The following BMF variants were observed in gnomAD, a reference collection of about 807,000 sequenced individuals.
BMF encodes bcl-2-modifying factor.
In BMF, 10 loss-of-function variants were observed where a neutral mutation model predicts 22.0. The ratio of observed to expected loss-of-function variants is 0.45; its 90% confidence interval spans 0.28 to 0.77. BMF has a LOEUF of 0.77. Ranked by LOEUF, BMF falls within the 30% of genes least tolerant of loss-of-function variation. BMF has a pLI of 0.13. For synonymous variants in BMF, 87 were observed against 88.1 expected (o/e 0.99, Z 0.07); for missense variants, 206 against 226.8 (o/e 0.91, Z 0.59).
chr15:40,095,625 C>G (rs189449078), intron 4 of BMF, among the ~76,000 whole-genome samples: 2 of 152,142 alleles, frequency 1.3e-5, no homozygotes, highest in South Asian at 4.1e-4. Context: ...TCCCAGAATA[C>G]ACAGTCAGGG....
chr15:40,097,319 GCTA>G (rs2036386115), intron 4 of BMF, among the ~76,000 whole-genome samples: 1 of 152,062 alleles, frequency 6.6e-6, no homozygotes, highest in Non-Finnish European at 1.5e-5. Flanking sequence ...ACCCAACTGA[GCTA>G]CTAAGCACCC....
intron 4 of BMF, among the ~76,000 whole-genome samples, chr15:40,098,949 C>T (rs1289966384): frequency 6.6e-6 from 1 of 152,164 alleles, no homozygotes; most frequent in African/African-American, 2.4e-5. Flanking sequence ...ATAAACAGAG[C>T]CAGCCACAGA....
chr15:40,106,213 T>G lies in BMF; in HGVS notation c.-5-122A>C. Reference sequence around the variant, plus strand: ...TATTTGAGCTGGCCGGACCACATACTGATGACATACAACCCTGGTAATAAA... The same window carrying G: ...TATTTGAGCTGGCCGGACCACATACGGATGACATACAACCCTGGTAATAAA... On this transcript the variant is annotated intron_variant, in intron 2 of 4. Coordinates refer to ENST00000354670, the MANE Select transcript of BMF (RefSeq NM_001003940.2). This position sits in a 1 kb window ranked among gnomAD's most constrained non-coding sequence, Gnocchi z 4.1. 2 of 1,095,514 alleles carry G rather than the reference T, an allele frequency of 1.8e-6. No individual in the cohort carries two copies. Among genetic ancestry groups the G allele is most frequent in the South Asian group, 1.7e-5 (1 of 60,550 alleles). 67.9% of individuals were successfully genotyped at this position (1,095,514 alleles called of 1,614,324 possible).
chr15:40,105,246 CTATT>C (rs1218182946), intron 3 of BMF, among the ~76,000 whole-genome samples: 1 of 152,224 alleles, frequency 6.6e-6, no homozygotes, highest in Non-Finnish European at 1.5e-5. Flanking sequence ...ATAAAACAAA[CTATT>C]TAAGCCCACA....
chr15:40,096,031 C>T (rs1012908012), intron 4 of BMF, among the ~76,000 whole-genome samples: 2 of 152,130 alleles, frequency 1.3e-5, no homozygotes, highest in Non-Finnish European at 2.9e-5. Flanking sequence ...GGAGTCAGCC[C>T]TGAAAGATAA....
In BMF at chr15:40,091,761, C is replaced by A. The variant is rs773926651; in HGVS notation, c.*26G>T. On this transcript the variant is annotated 3_prime_UTR_variant, in exon 5 of 5. Transcript: ENST00000354670. Reference sequence around the variant, plus strand: ...CCTGTTCCAGACGGTGTTCCTGGTGCCCCATGTGAAGAGGGCAGCCCACCC... The same window carrying A: ...CCTGTTCCAGACGGTGTTCCTGGTGACCCATGTGAAGAGGGCAGCCCACCC... The A allele has an allele frequency of 1.3e-6, 2 of 1,531,848 alleles. No individual in the cohort carries two copies. Among genetic ancestry groups the A allele is most frequent in the South Asian group, 2.3e-5 (2 of 86,326 alleles). The allele number at this position is 1,531,848 out of a possible 1,614,324, so 94.9% of individuals were successfully genotyped here. A position where few individuals can be genotyped will look rare whatever the true frequency, so the allele number is the denominator to read the frequency against.
intron 4 of BMF, among the ~76,000 whole-genome samples, chr15:40,103,657 C>T (rs1414521219): frequency 6.6e-6 from 1 of 152,202 alleles, no homozygotes; most frequent in Non-Finnish European, 1.5e-5. Context: ...ACCCTGGTTC[C>T]CAGACAGAGA....
rs774611073 is a variant in BMF at position 40,088,920 on chromosome 15, C to T, written c.*2867G>A. 1.3e-5 allele frequency: 2 copies of T among 152,718 alleles called. No homozygotes were observed. The highest frequency in any genetic ancestry group is 2.9e-5 in the Non-Finnish European group (2 of 68,074). The allele number at this position is 152,718 out of a possible 1,614,324, so 9.5% of individuals were successfully genotyped here. A position where few individuals can be genotyped will look rare whatever the true frequency, so the allele number is the denominator to read the frequency against. On this transcript the variant is annotated 3_prime_UTR_variant, in exon 5 of 5. Coordinates refer to ENST00000354670, the MANE Select transcript of BMF (RefSeq NM_001003940.2). The stretch of plus-strand genomic sequence containing the variant: ...GGCCTGGGGACTTCCCTCACCAGAT[C>T]TGTTGACCAACTTCTAGAAACCCCT...
At chr15:40,098,905 G>A (rs746179341) in intron 4 of BMF, among the ~76,000 whole-genome samples, 3 of 152,182 alleles carry the variant, frequency 2.0e-5, no homozygotes, top group Admixed American at 6.5e-5. Context: ...AGTCTGCCAC[G>A]CTGATGACTC....
chr15:40,093,774 T>G (rs1253464701), intron 4 of BMF, among the ~76,000 whole-genome samples: 1 of 152,052 alleles, frequency 6.6e-6, no homozygotes, highest in East Asian at 1.9e-4. Flanking sequence ...AGGGTGGCAG[T>G]CGGGGGTGGG....
chr15:40,091,913 C>T, intron 4 of BMF, 25 bp from the exon 5 acceptor site: 1 of 1,475,654 alleles, frequency 6.8e-7, no homozygotes, highest in Non-Finnish European at 9.3e-7. Flanking sequence ...AAAAAAAAGA[C>T]CAACATAACT....
At position 40,089,018 on chromosome 15, in the gene BMF, T is replaced by C. The variant is rs1228974722; in HGVS notation, c.*2769A>G. ...GCTTCCCTTCCTCCCAGGCATTTCT[T>C]TCCCGAGGAGGAAGGTTTCCAGTCC... On this transcript the variant is annotated 3_prime_UTR_variant, in exon 5 of 5. Transcript: ENST00000354670. The C allele has an allele frequency of 6.6e-6, 1 of 152,664 alleles. No homozygotes were observed. Among genetic ancestry groups the C allele is most frequent in the African/African-American group, 2.4e-5 (1 of 41,438 alleles). 9.5% of individuals were successfully genotyped at this position (152,664 alleles called of 1,614,324 possible).
intron 3 of BMF, 45 bp downstream of exon 3, chr15:40,105,750 T>A: frequency 1.3e-6 from 2 of 1,528,464 alleles, no homozygotes; most frequent in Non-Finnish European, 1.8e-6. Flanking sequence ...TCCCCTCTTT[T>A]CCCCCAGTCT....
At chr15:40,093,270 C>T (rs1014345805) in intron 4 of BMF, among the ~76,000 whole-genome samples, 6 of 145,162 alleles carry the variant, frequency 4.1e-5, no homozygotes, top group Admixed American at 6.8e-5. Context: ...CAGGTGAACA[C>T]GGAATGCCCC....
chr15:40,091,275 G>A lies in BMF; in HGVS notation c.*512C>T, dbSNP rs1445508288. On this transcript the variant is annotated 3_prime_UTR_variant, in exon 5 of 5. Coordinates refer to ENST00000354670, the MANE Select transcript of BMF (RefSeq NM_001003940.2). ...GCTGGCCGGCCAGCCTAGTGAAGCTGCTATCCTCAAGTGGAAAGCCCCTGG... is the reference window on the plus strand; with the variant it reads ...GCTGGCCGGCCAGCCTAGTGAAGCTACTATCCTCAAGTGGAAAGCCCCTGG... 1 of 152,966 alleles carries A rather than the reference G, an allele frequency of 6.5e-6. No individual in the cohort carries two copies. The highest frequency in any genetic ancestry group is 1.5e-5 in the Non-Finnish European group (1 of 68,372). 9.5% of individuals were successfully genotyped at this position (152,966 alleles called of 1,614,324 possible).
At chr15:40,096,881 G>A (rs1237147336) in intron 4 of BMF, among the ~76,000 whole-genome samples, 1 of 152,034 alleles carries the variant, frequency 6.6e-6, no homozygotes, top group African/African-American at 2.4e-5. Context: ...AGCTAAAACT[G>A]GTCTGAAATT....
Position 40,105,826 on chromosome 15 carries a change from C to T in BMF, c.261G>A (p.Gly87=), listed in dbSNP as rs1287947364. ...SPSQGVMLPC[G]VTEEPQRLFY... is the part of the protein sequence containing the mutation. ...AGAGTCGCTGGGGTTCCTCAGTCAC[C>T]CCACAAGGCAGCATGACACCTTGGC... Residue 87 remains glycine, a synonymous_variant, in exon 3 of 5, where the codon GGG becomes GGA. Transcript: ENST00000354670. 5.0e-6 allele frequency: 8 copies of T among 1,612,858 alleles called. No homozygotes were observed. Among genetic ancestry groups the T allele is most frequent in the South Asian group, 3.3e-5 (3 of 90,940 alleles).
intron 2 of BMF, among the ~76,000 whole-genome samples, chr15:40,107,591 A>C (rs1444833626): frequency 7.2e-6 from 1 of 138,970 alleles, no homozygotes; most frequent in Admixed American, 7.3e-5. Context: ...GAGGGGGGTG[A>C]GGTGGTGCAC....
At chr15:40,105,769 G>T (rs754439068) in intron 3 of BMF, 26 bp downstream of exon 3, 6 of 1,566,682 alleles carry the variant, frequency 3.8e-6, no homozygotes, top group Non-Finnish European at 5.2e-6. Flanking sequence ...CTCTATGGGA[G>T]GAGTCTTGAG....
Sources: allele counts gnomAD v4.1 joint callset (sites outside exome capture counted in the v4.1 genomes callset), GRCh38; gene constraint gnomAD v4.1.1; non-coding constraint Gnocchi (gnomAD v3.1); transcripts MANE v1.5; gene names NCBI Gene and HGNC (gene_info 2026-07-23, HGNC 2026-07-21).